The following MUC5B variants were observed in gnomAD, a reference collection of about 807,000 sequenced individuals.
The protein encoded by MUC5B is mucin-5B.
Under a neutral mutation model 376.9 loss-of-function variants are expected in MUC5B, and 116 were observed. The observed-to-expected ratio is 0.31, with a 90% CI of 0.26 to 0.36. MUC5B has a LOEUF of 0.36. MUC5B is among the 10% of genes least tolerant of loss of function. MUC5B has a pLI of 1.00. For missense variants in MUC5B, 7,165 were observed against 7,769.9 expected (o/e 0.92, Z 2.93); for synonymous variants, 3,517 against 3,390.9 (o/e 1.04, Z -1.29).
In MUC5B at chr11:1,242,097, G is replaced by A. The variant is rs376689700; in HGVS notation, c.5217G>A (p.Glu1739=). 1.9e-6 allele frequency: 3 copies of A among 1,612,454 alleles called. No homozygotes were observed. In the African/African-American group the frequency reaches 4.0e-5, roughly 22 times the overall value. ...GCACAGCCAGCACCGCTTCCAAAGAGCCGCTGACCACGAGCCTGGCGCCAA... is the reference window on the plus strand; with the variant it reads ...GCACAGCCAGCACCGCTTCCAAAGAACCGCTGACCACGAGCCTGGCGCCAA... ...PTGTASTASK[E]PLTTSLAPTL... is the part of the protein sequence containing the mutation. Residue 1739 remains glutamate, a synonymous_variant, in exon 31 of 49, where the codon GAG becomes GAA. Transcript: ENST00000529681.
In MUC5B at chr11:1,251,597, C is replaced by A. The variant is rs775930093; in HGVS notation, c.14717C>A (p.Pro4906His). 6.2e-7 allele frequency: 1 copy of A among 1,613,050 alleles called. No individual in the cohort carries two copies. The highest frequency in any genetic ancestry group is 1.3e-5 in the African/African-American group (1 of 75,074). Residue 4906 changes from proline to histidine, a missense_variant, in exon 31 of 49, where the codon CCT becomes CAT. This residue lies in a region of MUC5B where 730 missense variants were observed against 592.7 expected (regional missense o/e 1.23). Coordinates refer to ENST00000529681, the MANE Select transcript of MUC5B (RefSeq NM_002458.3). ...TCCACCGTGGGGACCACCCGCACCC[C>A]TGCAGTGCTCCCCAGCAGCCTGCCA... is the stretch of plus-strand genomic sequence containing the variant. ...SSSTVGTTRT[P>H]AVLPSSLPTF...
chr11:1,225,650 C>A, intron 1 of MUC5B, 31 bp from the exon 2 acceptor site: 1 of 1,574,682 alleles, frequency 6.4e-7, no homozygotes, highest in Non-Finnish European at 8.6e-7. Flanking sequence ...ACATCTAGTT[C>A]CTCACTGACT....
chr11:1,257,787 T>C lies in MUC5B; in HGVS notation c.16450+77T>C. The C allele has an allele frequency of 6.8e-7, 1 of 1,464,948 alleles. No individual in the cohort carries two copies. The highest frequency in any genetic ancestry group is 9.1e-7 in the Non-Finnish European group (1 of 1,100,854). 90.7% of individuals were successfully genotyped at this position (1,464,948 alleles called of 1,614,324 possible). The stretch of plus-strand genomic sequence containing the variant: ...CCGGTGCCCACCAGGGGCCTGTGGG[T>C]TGGGCACAGGAGAGCAGAGGAGAGC... On this transcript the variant is annotated intron_variant, in intron 41 of 48. Transcript: ENST00000529681. This position sits in a 1 kb window ranked among gnomAD's most constrained non-coding sequence, Gnocchi z 8.9.
In MUC5B at chr11:1,241,501, T is replaced by C; in HGVS notation, c.4621T>C (p.Cys1541Arg). 1 of 1,613,628 alleles carries C rather than the reference T, an allele frequency of 6.2e-7. No individual in the cohort carries two copies. The highest frequency in any genetic ancestry group is 8.5e-7 in the Non-Finnish European group (1 of 1,179,802). The change falls in exon 31 of 49, where the codon TGC becomes CGC. Residue 1541 changes from cysteine to arginine, a missense_variant. By Grantham distance (180) the Cys-to-Arg change is radical. This residue lies in a region of MUC5B where 517 missense variants were observed against 545.3 expected (regional missense o/e 0.95). Coordinates refer to ENST00000529681, the MANE Select transcript of MUC5B (RefSeq NM_002458.3). The stretch of plus-strand genomic sequence containing the variant: ...GATCAGGGCCGCTGGAGGGCACTTA[T>C]GCCAGCAGCCTAAGGACATAGAGTG... ...DKIRAAGGHL[C>R]QQPKDIECQA...
In MUC5B at chr11:1,255,238, C is replaced by T. The variant is rs1216449943; in HGVS notation, c.15862C>T (p.Gln5288Ter). Residue 5288 changes from glutamine to a stop codon, truncating the protein, a stop_gained, in exon 36 of 49, where the codon CAG (glutamine) becomes TAG (stop). Transcript: ENST00000529681. LOFTEE classifies it high-confidence loss of function. ...ACCCACCCCCACCCCATGCCCACCACAGCCGCTCTGTGATCTGATGCTGAG... is the reference window on the plus strand; with the variant it reads ...ACCCACCCCCACCCCATGCCCACCATAGCCGCTCTGTGATCTGATGCTGAG... ...STPTPTPCPPQPLCDLMLSQV... is the reference protein window; with the variant it reads ...STPTPTPCPP The T allele has an allele frequency of 6.5e-7, 1 of 1,531,928 alleles. No homozygotes were observed. Among genetic ancestry groups the T allele is most frequent in the Non-Finnish European group, 8.8e-7 (1 of 1,134,906 alleles). The allele number at this position is 1,531,928 out of a possible 1,614,324, so 94.9% of individuals were successfully genotyped here.
intron 35 of MUC5B, 78 bp from the exon 36 acceptor site, chr11:1,254,963 G>A: frequency 2.7e-6 from 2 of 732,596 alleles, no homozygotes; most frequent in East Asian, 4.3e-5. Context: ...CCTGGGGAGG[G>A]GAATGAGTGG....
Position 1,228,597 on chromosome 11 carries a change from G to A in MUC5B, c.808G>A (p.Ala270Thr). 6.5e-7 allele frequency: 1 copy of A among 1,530,924 alleles called. No homozygotes were observed. Among genetic ancestry groups the A allele is most frequent in the Non-Finnish European group, 8.7e-7 (1 of 1,143,966 alleles). The allele number at this position is 1,530,924 out of a possible 1,614,324, so 94.8% of individuals were successfully genotyped here. The change falls in exon 8 of 49, where the codon GCC (alanine) becomes ACC (threonine). Residue 270 changes from alanine to threonine, a missense_variant. Ala to Thr is a moderately conservative substitution (Grantham distance 58). Coordinates refer to ENST00000529681, the MANE Select transcript of MUC5B (RefSeq NM_002458.3). ...GICHRTLLGP[A>T]FAECHALVDS... The stretch of plus-strand genomic sequence containing the variant: ...CTGCCACCGCACCCTGCTGGGGCCG[G>A]CCTTTGCGGAGTGCCACGCACTGGT...
At position 1,246,393 on chromosome 11, in the gene MUC5B, C is replaced by T. The variant is rs1564944046; in HGVS notation, c.9513C>T (p.Ala3171=). The T allele has an allele frequency of 1.2e-6, 2 of 1,613,530 alleles. No individual in the cohort carries two copies. The highest frequency in any genetic ancestry group is 8.5e-7 in the Non-Finnish European group (1 of 1,179,804). Residue 3171 remains alanine (A), a synonymous_variant, in exon 31 of 49, where the codon GCC becomes GCT. Coordinates refer to ENST00000529681, the MANE Select transcript of MUC5B (RefSeq NM_002458.3). ...TCCTCACAGAGCCCAGCACTACAGC[C>T]ACCGTGACGGTGCCCACCGGATCCA... ...TWILTEPSTT[A]TVTVPTGSTA...
rs769650458 is a variant in MUC5B, at chr11:1,247,497, C to T, written c.10617C>T (p.Thr3539=). Residue 3539 remains threonine, a synonymous_variant, in exon 31 of 49, where the codon ACC becomes ACT. Transcript: ENST00000529681. ...GCCACACCAGGGGCACCTCCAGGAC[C>T]ACAGCCACAGCCACACCCAGCAAGA... The part of the protein sequence containing the change: ...TPGHTRGTSR[T]TATATPSKTR... 4.4e-6 allele frequency: 7 copies of T among 1,608,262 alleles called. 1 individual carries two copies. The South Asian group carries it at 7.7e-5, about 18-fold the overall frequency.
At chr11:1,254,618 G>T (rs564262474) in intron 34 of MUC5B, 76 bp from the exon 35 acceptor site, 37 of 1,451,874 alleles carry the variant, frequency 2.5e-5, no homozygotes, top group Non-Finnish European at 3.4e-5. Context: ...TGGAGGCAGA[G>T]CCCCAAAGAG....
In MUC5B at chr11:1,231,440, A is replaced by G. The variant is rs763725732; in HGVS notation, c.1558A>G (p.Thr520Ala). The change falls in exon 14 of 49, where the codon ACA becomes GCA. Residue 520 changes from threonine (T) to alanine (A), a missense_variant. By Grantham distance (58) the Thr-to-Ala change is moderately conservative. Transcript: ENST00000529681. ...PLSAANITLF[T>A]PSSFFIVVQT... is the part of the protein sequence containing the mutation. ...CCCGGCAGCCAACATCACCCTGTTC[A>G]CACCCTCGAGCTTCTTCATCGTGGT... 6.2e-7 allele frequency: 1 copy of G among 1,611,544 alleles called. No individual in the cohort carries two copies. Among genetic ancestry groups the G allele is most frequent in the Non-Finnish European group, 8.5e-7 (1 of 1,179,338 alleles).
In MUC5B at chr11:1,253,014, G is replaced by A. The variant is rs749199674; in HGVS notation, c.15217+34G>A. 1 of 1,611,606 alleles carries A rather than the reference G, an allele frequency of 6.2e-7. No individual in the cohort carries two copies. Among genetic ancestry groups the A allele is most frequent in the South Asian group, 1.1e-5 (1 of 90,984 alleles). On this transcript the variant is annotated intron_variant, in intron 33 of 48. Transcript: ENST00000529681. This position sits in a 1 kb window ranked among gnomAD's most constrained non-coding sequence, Gnocchi z 4.3. Reference sequence around the variant, plus strand: ...GTCGGTGGCCGCGGGATTACCCCGGGGGCAGGTGGAGCAGAGTGCACCGTC... The same window carrying A: ...GTCGGTGGCCGCGGGATTACCCCGGAGGCAGGTGGAGCAGAGTGCACCGTC...
intron 7 of MUC5B, 183 bp from the exon 8 acceptor site, chr11:1,228,381 T>A: frequency 1.7e-6 from 1 of 584,418 alleles, no homozygotes; most frequent in Non-Finnish European, 2.9e-6. Flanking sequence ...CGGTCACGGG[T>A]CACTCCCCAA....
In MUC5B at chr11:1,229,679, G is replaced by C. The variant is rs56069229; in HGVS notation, c.1103-11G>C. 0.029 allele frequency: 44,936 copies of C among 1,552,274 alleles called. 831 individuals are homozygous for C. The highest frequency in any genetic ancestry group is 0.033 in the Non-Finnish European group (37,546 of 1,153,998). ...GCATGGGCCGGCCCTGCCTCACGCC[G>C]CGCCCCACAGGCACGGTGCTGGATG... On this transcript the variant is annotated splice_polypyrimidine_tract_variant and intron_variant, in intron 9 of 48. Coordinates refer to ENST00000529681, the MANE Select transcript of MUC5B (RefSeq NM_002458.3).
intron 7 of MUC5B, among the ~76,000 whole-genome samples, chr11:1,228,068 C>CA (rs1861930251): frequency 6.6e-6 from 1 of 152,214 alleles, no homozygotes; most frequent in South Asian, 2.1e-4. Flanking sequence ...GCCAGCCCTT[C>CA]CCACCAGCAG....
chr11:1,237,255 G>A (rs1284753249), intron 25 of MUC5B, 91 bp downstream of exon 25: 14 of 1,286,992 alleles, frequency 1.1e-5, no homozygotes, highest in East Asian at 3.1e-5. Context: ...AGACAGCAGC[G>A]CTCCAAGGAG....
In MUC5B at chr11:1,229,759, G is replaced by A; in HGVS notation, c.1172G>A (p.Gly391Asp). The A allele has an allele frequency of 4.4e-6, 7 of 1,601,818 alleles. No homozygotes were observed. The highest frequency in any genetic ancestry group is 1.1e-5 in the South Asian group (1 of 89,182). ...PLGQCPCTHG[G>D]RTYSPGTSFN... is the part of the protein sequence containing the mutation. ...GGGCAGTGCCCCTGCACCCACGGCG[G>A]CCGCACCTACAGCCCGGGCACCTCC... is the stretch of plus-strand genomic sequence containing the variant. Residue 391 changes from glycine to aspartate, a missense_variant, in exon 10 of 49, where the codon GGC becomes GAC. By Grantham distance (94) the Gly-to-Asp change is moderately conservative (BLOSUM62 -1). Coordinates refer to ENST00000529681, the MANE Select transcript of MUC5B (RefSeq NM_002458.3).
At position 1,240,125 on chromosome 11, in the gene MUC5B, G is replaced by C. The variant is rs372007607; in HGVS notation, c.3772+37G>C. ...CCGGGGGGTTAGTGGGCCGGTGAAG[G>C]CTGGGGCCAGGGGCTCGGAGGCCCT... On this transcript the variant is annotated intron_variant, in intron 29 of 48. Coordinates refer to ENST00000529681, the MANE Select transcript of MUC5B (RefSeq NM_002458.3). The C allele has an allele frequency of 6.4e-4, 1,004 of 1,566,080 alleles. 7 individuals carry two copies. Among genetic ancestry groups the C allele is most frequent in the South Asian group, 5.4e-3 (456 of 83,756 alleles).
rs543638667 is a variant in MUC5B at position 1,223,785 on chromosome 11, C to T, written c.70+592C>T. On this transcript the variant is annotated intron_variant, in intron 1 of 48. Coordinates refer to ENST00000529681, the MANE Select transcript of MUC5B (RefSeq NM_002458.3). The stretch of plus-strand genomic sequence containing the variant: ...TGGCTCTCAGCCGAGCGTTTTCCCT[C>T]GTCTGCTGTCTCTTGGCCAGAGCCG... 3.3e-5 allele frequency among the ~76,000 whole-genome samples: 5 copies of T among 152,374 alleles called. No homozygotes were observed. The East Asian group carries it at 5.8e-4, about 18-fold the overall frequency.
Sources: allele counts gnomAD v4.1 joint callset (sites outside exome capture counted in the v4.1 genomes callset), GRCh38; gene constraint gnomAD v4.1.1; regional missense constraint gnomAD v4.1.1; non-coding constraint Gnocchi (gnomAD v3.1); transcripts MANE v1.5; gene names NCBI Gene and HGNC (gene_info 2026-07-23, HGNC 2026-07-21).